Variants in CELA2A observed in about 807,000 individuals in gnomAD.
CELA2A encodes chymotrypsin like elastase 2A.
In CELA2A, 31 loss-of-function variants were observed where a neutral mutation model predicts 35.3. The ratio of observed to expected loss-of-function variants is 0.88; its 90% CI spans 0.66 to 1.19. The LOEUF (loss-of-function observed/expected upper bound fraction) is 1.19. Among genes scored for constraint, CELA2A ranks in the 50% most tolerant of loss-of-function variants. CELA2A has a pLI of 0.00. For missense variants in CELA2A, 330 were observed against 352.9 expected, an observed-to-expected ratio of 0.94 and a Z score of 0.52; for synonymous variants, 150 against 149.8, an observed-to-expected ratio of 1.00 and a Z score of -0.01.
At chr1:15,463,170 A>G (rs1013387480) in intron 4 of CELA2A, among the ~76,000 whole-genome samples, 9 of 152,020 alleles carry the variant, frequency 5.9e-5, no homozygotes, top group Non-Finnish European at 8.8e-5. Context: ...AGTGCTGTCA[A>G]CCCTGTGACT....
At chr1:15,469,100 C>G (rs1196202034) in intron 7 of CELA2A, among the ~76,000 whole-genome samples, 1 of 152,074 alleles carries the variant, frequency 6.6e-6, no homozygotes, top group East Asian at 1.9e-4. Flanking sequence ...ATCACTTGAA[C>G]CTGGGAGGTG....
chr1:15,461,774 A>C (rs3737696), intron 3 of CELA2A, 116 bp downstream of exon 3: 859,623 of 1,161,858 alleles, frequency 0.74, 319,461 homozygotes, highest in Non-Finnish European at 0.76. Context: ...TAACCACTAT[A>C]CTGGCTGAGA....
intron 7 of CELA2A, among the ~76,000 whole-genome samples, chr1:15,470,786 G>A (rs1708579650): frequency 6.6e-6 from 1 of 152,042 alleles, no homozygotes; most frequent in Admixed American, 6.6e-5. Context: ...TCACCATGTT[G>A]GCCAGGCTGG....
In CELA2A at chr1:15,467,477, A is replaced by G. The variant is rs536391930; in HGVS notation, c.731A>G (p.Asn244Ser). 6 of 1,614,154 alleles carry G rather than the reference A, an allele frequency of 3.7e-6. No homozygotes were observed. The East Asian group carries it at 1.3e-4, about 36-fold the overall frequency. Residue 244 changes from asparagine to serine, a missense_variant, in exon 7 of 8, where the codon AAC becomes AGC. Transcript: ENST00000359621. ...IVSFGSRLGCNYYHKPSVFTR... is the reference protein window; with the variant it reads ...IVSFGSRLGCSYYHKPSVFTR... ...AGCTTCGGGTCTCGCCTCGGCTGCA[A>G]CTACTACCACAAGCCCTCCGTCTTC...
chr1:15,465,286 G>C (rs1247287410), intron 5 of CELA2A, among the ~76,000 whole-genome samples: 1 of 152,014 alleles, frequency 6.6e-6, no homozygotes, highest in Admixed American at 6.5e-5. Context: ...GCTGGGATTA[G>C]AGGGTGAGCA....
intron 7 of CELA2A, among the ~76,000 whole-genome samples, chr1:15,469,648 A>AGATTCCAAAGACGTTTGTTG (rs1708565031): frequency 6.6e-6 from 1 of 152,186 alleles, no homozygotes; most frequent in Non-Finnish European, 1.5e-5. Context: ...TCACAAGCAG[A>AGATTCCAAAGACGTTTGTTG]GATTCCAAAG....
At position 15,466,317 on chromosome 1, in the gene CELA2A, C is replaced by T. The variant is rs550041303; in HGVS notation, c.639+173C>T. ...GTGGCTCACACCTGTAATCCCAGCA[C>T]TTTGAGAGGCCAGGCGGGCAGACCA... is the stretch of plus-strand genomic sequence containing the variant. On this transcript the variant is annotated intron_variant, in intron 6 of 7. Transcript: ENST00000359621. Among the ~76,000 whole-genome samples, 3 of 152,252 alleles carry T rather than the reference C, an allele frequency of 2.0e-5. No homozygotes were observed. In the South Asian group the frequency reaches 6.2e-4, roughly 32 times the overall value.
At chr1:15,467,130 G>A (rs922654053) in intron 6 of CELA2A, among the ~76,000 whole-genome samples, 2 of 152,176 alleles carry the variant, frequency 1.3e-5, no homozygotes, top group Non-Finnish European at 2.9e-5. Context: ...GGGATGCTAC[G>A]AATATTTACC....
intron 2 of CELA2A, among the ~76,000 whole-genome samples, chr1:15,458,781 C>T (rs1174651170): frequency 2.0e-5 from 3 of 151,640 alleles, no homozygotes; most frequent in African/African-American, 7.3e-5. Flanking sequence ...GGCATGGTGG[C>T]GGGCACCTGT....
chr1:15,461,755 C>T (rs769107134), intron 3 of CELA2A, 97 bp downstream of exon 3: 1 of 1,421,624 alleles, frequency 7.0e-7, no homozygotes, highest in South Asian at 1.2e-5. Flanking sequence ...CATAAAGCAG[C>T]CTTGCAAATA....
At position 15,467,430 on chromosome 1, in the gene CELA2A, G is replaced by A; in HGVS notation, c.684G>A (p.Arg228=). 1 of 1,614,006 alleles carries A rather than the reference G, an allele frequency of 6.2e-7. No individual in the cohort carries two copies. Among genetic ancestry groups the A allele is most frequent in the Non-Finnish European group, 8.5e-7 (1 of 1,180,026 alleles). ...GPLNCQASDG[R]WQVHGIVSFG... ...TGAACTGTCAGGCGTCTGACGGCCG[G>A]TGGCAGGTGCACGGCATCGTCAGCT... The change falls in exon 7 of 8, where the codon CGG becomes CGA. Residue 228 remains arginine (R), a synonymous_variant. Coordinates refer to ENST00000359621, the MANE Select transcript of CELA2A (RefSeq NM_033440.3).
intron 2 of CELA2A, among the ~76,000 whole-genome samples, chr1:15,459,383 T>G (rs1181814785): frequency 6.6e-6 from 1 of 151,292 alleles, no homozygotes; most frequent in African/African-American, 2.4e-5. Flanking sequence ...AGGCTGGTCT[T>G]GAACTTCTGG....
chr1:15,464,854 C>T (rs1008780666), intron 5 of CELA2A, among the ~76,000 whole-genome samples: 4 of 152,068 alleles, frequency 2.6e-5, no homozygotes, highest in East Asian at 1.9e-4. Flanking sequence ...AAGCCACTTC[C>T]GAACCTCAGT....
chr1:15,459,815 T>A (rs773381899), intron 2 of CELA2A, among the ~76,000 whole-genome samples: 8 of 151,338 alleles, frequency 5.3e-5, no homozygotes, highest in Non-Finnish European at 8.8e-5. Context: ...TGTAAGGGGG[T>A]AGCACAAAAC....
chr1:15,470,348 A>G (rs1708574610), intron 7 of CELA2A, among the ~76,000 whole-genome samples: 1 of 152,136 alleles, frequency 6.6e-6, no homozygotes, highest in South Asian at 2.1e-4. Flanking sequence ...TACAAGCAAA[A>G]GAGCAGAGAA....
At position 15,471,983 on chromosome 1, in the gene CELA2A, C is replaced by T. The variant is rs751826779; in HGVS notation, c.793-7C>T. 2 of 1,614,096 alleles carry T rather than the reference C, an allele frequency of 1.2e-6. No homozygotes were observed. The highest frequency in any genetic ancestry group is 2.2e-5 in the East Asian group (1 of 44,884). On this transcript the variant is annotated splice_region_variant and splice_polypyrimidine_tract_variant and intron_variant, in intron 7 of 7. Coordinates refer to ENST00000359621, the MANE Select transcript of CELA2A (RefSeq NM_033440.3). ...TGAACCTGACGATTATCTTGTGTGT[C>T]CTGCAGGTGATTGCAAATAACTAAC...
chr1:15,471,865 G>C (rs984110246), intron 7 of CELA2A, 125 bp from the exon 8 acceptor site: 9 of 1,103,612 alleles, frequency 8.2e-6, no homozygotes, highest in Non-Finnish European at 1.1e-5. Context: ...TCAGGCAGGA[G>C]CTACTGTAGT....
At chr1:15,461,438 T>C (rs1170349898) in intron 2 of CELA2A, 123 bp from the exon 3 acceptor site, 4 of 949,220 alleles carry the variant, frequency 4.2e-6, no homozygotes, top group Non-Finnish European at 4.9e-6. Context: ...CCTTAAGTTG[T>C]GCACATGAGG....
chr1:15,467,617 C>T, intron 7 of CELA2A, 79 bp downstream of exon 7: 1 of 1,520,490 alleles, frequency 6.6e-7, no homozygotes, highest in South Asian at 1.2e-5. Flanking sequence ...CACCTGGTGA[C>T]TGAGAATCCC....
Sources: gnomAD v4.1 joint callset for allele counts (sites outside exome capture counted in the v4.1 genomes callset) on GRCh38, gnomAD v4.1.1 for gene constraint, MANE v1.5 for transcripts, NCBI Gene and HGNC (gene_info 2026-07-23, HGNC 2026-07-21) for gene names.